FOCAD: variants seen among roughly 807,000 people sequenced by gnomAD.
The protein encoded by FOCAD is focadhesin, also known as KIAA1797.
FOCAD carries 198 observed loss-of-function variants against 225.6 expected under a neutral mutation model. The observed-to-expected ratio is 0.88, with a 90% CI of 0.78 to 0.99. The LOEUF (loss-of-function observed/expected upper bound fraction) is 0.99, where lower values mean the gene tolerates loss of function less well. Ranked by LOEUF, FOCAD falls within the 50% of genes least tolerant of loss-of-function variation. The probability of loss-of-function intolerance (pLI) is 0.00; values close to 1 mark genes in which losing one functional copy is unlikely to be tolerated. For synonymous variants in FOCAD, 897 were observed against 755.0 expected (o/e 1.19, Z -3.08); for missense variants, 2,713 against 2,123.6 (o/e 1.28, Z -5.46).
intron 4 of FOCAD, among the ~76,000 whole-genome samples, chr9:20,737,330 C>G (rs1321268834): frequency 6.6e-6 from 1 of 152,190 alleles, no homozygotes. Flanking sequence ...TCTGTTATCT[C>G]TAGAACTCTA....
At chr9:20,860,230 G>A (rs1417864327) in intron 15 of FOCAD, among the ~76,000 whole-genome samples, 1 of 152,068 alleles carries the variant, frequency 6.6e-6, no homozygotes, top group Non-Finnish European at 1.5e-5. Flanking sequence ...ATGGACATGT[G>A]TGTTTAAAAA....
In FOCAD at chr9:20,957,094, G is replaced by A. The variant is rs77158516; in HGVS notation, c.4132+4029G>A. 2.2e-3 allele frequency among the ~76,000 whole-genome samples: 341 copies of A among 152,070 alleles called. 9 individuals carry two copies. In the East Asian group the frequency reaches 0.043, roughly 19 times the overall value. On this transcript the variant is annotated intron_variant, in intron 35 of 43. Coordinates refer to ENST00000338382, the MANE Select transcript of FOCAD (RefSeq NM_001375567.1). Reference sequence around the variant, plus strand: ...GCTATTATTTTTGAGACAAGGTCTCGGCTCTATCACCCAGGGTGAAGTGCG... The same window carrying A: ...GCTATTATTTTTGAGACAAGGTCTCAGCTCTATCACCCAGGGTGAAGTGCG...
At chr9:20,914,507 T>C (rs1003521424) in intron 23 of FOCAD, among the ~76,000 whole-genome samples, 4 of 152,112 alleles carry the variant, frequency 2.6e-5, no homozygotes, top group East Asian at 1.9e-4. Flanking sequence ...TTTAATAATA[T>C]GACATTTGAA....
At chr9:20,739,236 C>G (rs914264269) in intron 4 of FOCAD, among the ~76,000 whole-genome samples, 8 of 152,198 alleles carry the variant, frequency 5.3e-5, no homozygotes, top group Non-Finnish European at 1.2e-4. Context: ...AAGTAAGTGA[C>G]ATAATGCAAG....
intron 16 of FOCAD, among the ~76,000 whole-genome samples, chr9:20,863,760 A>G (rs1009120718): frequency 6.6e-6 from 1 of 152,134 alleles, no homozygotes; most frequent in South Asian, 2.1e-4. Context: ...AGCTAAGACT[A>G]AAAGCCAATG....
chr9:20,778,794 T>A, intron 9 of FOCAD, 26 bp downstream of exon 9: 1 of 1,322,610 alleles, frequency 7.6e-7, no homozygotes, highest in Non-Finnish European at 1.1e-6. Flanking sequence ...GTCACTAGAG[T>A]AAAATGTAAA....
intron 10 of FOCAD, among the ~76,000 whole-genome samples, chr9:20,786,204 ACT>A (rs1819905243): frequency 1.3e-5 from 2 of 152,138 alleles, no homozygotes; most frequent in Non-Finnish European, 2.9e-5. Flanking sequence ...TTTGTGCTGA[ACT>A]TGGGCGTAAA....
At chr9:20,689,005 T>G (rs181271616) in intron 1 of FOCAD, among the ~76,000 whole-genome samples, 2 of 152,286 alleles carry the variant, frequency 1.3e-5, no homozygotes, top group Admixed American at 1.3e-4. Context: ...GAAAGAATGG[T>G]CAGAGTGATG....
intron 3 of FOCAD, among the ~76,000 whole-genome samples, chr9:20,718,948 AG>A (rs1184946946): frequency 6.6e-6 from 1 of 152,240 alleles, no homozygotes; most frequent in Non-Finnish European, 1.5e-5. Flanking sequence ...TATGAATAAA[AG>A]GAGAAGTGGA....
At chr9:20,717,132 C>G (rs1447281125) in intron 2 of FOCAD, among the ~76,000 whole-genome samples, 2 of 152,164 alleles carry the variant, frequency 1.3e-5, no homozygotes, top group East Asian at 3.9e-4. Flanking sequence ...TATCACAAAA[C>G]TAGACCACAA....
At chr9:20,856,421 T>G (rs1005662237) in intron 15 of FOCAD, among the ~76,000 whole-genome samples, 8 of 151,976 alleles carry the variant, frequency 5.3e-5, no homozygotes, top group Admixed American at 5.2e-4. Context: ...GTTTTGCCCA[T>G]TTTTTGAGTG....
At chr9:20,844,589 G>A (rs1826892912) in intron 15 of FOCAD, among the ~76,000 whole-genome samples, 16 of 151,796 alleles carry the variant, frequency 1.1e-4, no homozygotes, top group Admixed American at 9.8e-4. Context: ...TCAAACTCCT[G>A]ACCTCAGGTG....
chr9:20,760,125 C>G lies in FOCAD; in HGVS notation c.494+1934C>G, dbSNP rs902380927. On this transcript the variant is annotated intron_variant, in intron 6 of 43. Transcript: ENST00000338382. Reference sequence around the variant, plus strand: ...GTCTTGTCCTGGTCAAATCCAGTCTCTAAACATCCCTCAGAAGGATATATC... The same window carrying G: ...GTCTTGTCCTGGTCAAATCCAGTCTGTAAACATCCCTCAGAAGGATATATC... Among the ~76,000 whole-genome samples the G allele has an allele frequency of 2.0e-4, 30 of 152,162 alleles. 1 individual carries two copies. The highest frequency in any genetic ancestry group is 4.3e-4 in the Non-Finnish European group (29 of 68,034).
At chr9:20,765,414 A>C (rs1430464261) in intron 7 of FOCAD, among the ~76,000 whole-genome samples, 3 of 151,862 alleles carry the variant, frequency 2.0e-5, no homozygotes, top group Non-Finnish European at 4.4e-5. Flanking sequence ...AGTAACAAGG[A>C]AAAAAAAGAC....
At chr9:20,761,169 T>A (rs1443748795) in intron 6 of FOCAD, among the ~76,000 whole-genome samples, 1 of 151,986 alleles carries the variant, frequency 6.6e-6, no homozygotes, top group Non-Finnish European at 1.5e-5. Flanking sequence ...CTGCACACAG[T>A]ATTTGGGTAT....
upstream of FOCAD, chr9:20,684,183 G>C (rs1822511899): frequency 6.6e-6 from 1 of 152,212 alleles, no homozygotes; most frequent in African/African-American, 2.4e-5. Context: ...AGGGCCTCGC[G>C]ATATGCAGCC....
intron 4 of FOCAD, among the ~76,000 whole-genome samples, chr9:20,725,925 A>G (rs548478237): frequency 6.6e-6 from 1 of 152,200 alleles, no homozygotes; most frequent in Non-Finnish European, 1.5e-5. Context: ...TCTGTAAACA[A>G]AGAAATGGAT....
At chr9:20,790,047 A>G (rs1176679963) in intron 11 of FOCAD, among the ~76,000 whole-genome samples, 1 of 152,192 alleles carries the variant, frequency 6.6e-6, no homozygotes, top group Non-Finnish European at 1.5e-5. Flanking sequence ...GCAGTTTGAT[A>G]CTATCTTTAT....
upstream of FOCAD, among the ~76,000 whole-genome samples, chr9:20,679,994 A>G (rs1447581830): frequency 6.6e-6 from 1 of 152,166 alleles, no homozygotes; most frequent in Non-Finnish European, 1.5e-5. Context: ...AGCTGTAGAG[A>G]GCTACAAACA....
Sources: allele counts gnomAD v4.1 joint callset (sites outside exome capture counted in the v4.1 genomes callset), GRCh38; gene constraint gnomAD v4.1.1; transcripts MANE v1.5; gene names NCBI Gene and HGNC (gene_info 2026-07-23, HGNC 2026-07-21).